PTPRT: variants seen among roughly 807,000 people sequenced by gnomAD.
PTPRT encodes protein tyrosine phosphatase receptor type T.
In PTPRT, 56 loss-of-function variants were observed where a neutral mutation model predicts 176.8. The observed-to-expected ratio is 0.32, with a 90% confidence interval of 0.26 to 0.40. PTPRT has a LOEUF of 0.40. PTPRT is among the 10% of genes least tolerant of loss of function. The pLI, the probability that PTPRT is intolerant of heterozygous loss-of-function variation, is 1.00. For missense variants in PTPRT, 1,540 were observed against 1,908.2 expected, an observed-to-expected ratio of 0.81 and a Z score of 3.60; for synonymous variants, 783 against 739.0, an observed-to-expected ratio of 1.06 and a Z score of -0.96.
chr20:42,734,224 T>C (rs916328845), intron 6 of PTPRT, among the ~76,000 whole-genome samples: 1 of 152,178 alleles, frequency 6.6e-6, no homozygotes, highest in African/African-American at 2.4e-5. Context: ...GGGATCCTCA[T>C]AGACCTCTGG....
intron 1 of PTPRT, among the ~76,000 whole-genome samples, chr20:43,152,731 T>C (rs1212242523): frequency 6.6e-6 from 1 of 152,200 alleles, no homozygotes; most frequent in Non-Finnish European, 1.5e-5. Flanking sequence ...CCTTGTAACC[T>C]CAAAAATCAT....
chr20:42,206,202 A>G (rs2055455299), intron 15 of PTPRT, among the ~76,000 whole-genome samples: 1 of 152,178 alleles, frequency 6.6e-6, no homozygotes, highest in African/African-American at 2.4e-5. Context: ...CTATGCCCCC[A>G]CTGACTCAGA....
At chr20:42,104,263 G>A (rs1482541708) in intron 25 of PTPRT, among the ~76,000 whole-genome samples, 2 of 152,166 alleles carry the variant, frequency 1.3e-5, no homozygotes. Flanking sequence ...GAGCCCAGGA[G>A]TTGAAGACCA....
chr20:42,877,181 A>G (rs995057121), intron 2 of PTPRT, among the ~76,000 whole-genome samples: 12 of 151,478 alleles, frequency 7.9e-5, no homozygotes, highest in African/African-American at 2.9e-4. Context: ...TGGGAGATCA[A>G]CAAGCAAGAA....
chr20:42,833,735 G>A (rs1206552229), intron 2 of PTPRT, among the ~76,000 whole-genome samples: 2 of 152,160 alleles, frequency 1.3e-5, no homozygotes, highest in African/African-American at 4.8e-5. Context: ...CTGAGGGATT[G>A]ACAAAGTTAG....
At position 42,073,701 on chromosome 20, in the gene PTPRT, G is replaced by T. The variant is rs910549097; in HGVS notation, c.*7178C>A. The T allele has an allele frequency of 1.3e-5, 3 of 224,538 alleles. No individual in the cohort carries two copies. The highest frequency in any genetic ancestry group is 1.1e-4 in the Admixed American group (2 of 17,482). The allele number at this position is 224,538 out of a possible 1,614,324, so 13.9% of individuals were successfully genotyped here. On this transcript the variant is annotated 3_prime_UTR_variant, in exon 31 of 31. Transcript: ENST00000373187. ...CAGCCCAGTATATGTGGCCACAACA[G>T]CATGTTGGCCTGCTCAGTGGGGGCA...
chr20:42,117,706 C>T (rs1045687810), intron 21 of PTPRT, among the ~76,000 whole-genome samples: 9 of 152,230 alleles, frequency 5.9e-5, no homozygotes, highest in African/African-American at 1.7e-4. Flanking sequence ...GGAGGAGCTA[C>T]GCTGCGGTGG....
chr20:42,540,161 A>G (rs2072552519), intron 7 of PTPRT, among the ~76,000 whole-genome samples: 2 of 152,134 alleles, frequency 1.3e-5, no homozygotes, highest in Admixed American at 1.3e-4. Context: ...TGGACAGGGA[A>G]TTGGGAAAAA....
intron 23 of PTPRT, among the ~76,000 whole-genome samples, chr20:42,109,123 G>T (rs531757893): frequency 2.6e-5 from 4 of 152,010 alleles, no homozygotes; most frequent in Non-Finnish European, 5.9e-5. Context: ...CTGTGAAATG[G>T]GGTTGTGTAG....
chr20:42,456,291 C>G (rs1409041909), intron 8 of PTPRT, among the ~76,000 whole-genome samples: 1 of 151,940 alleles, frequency 6.6e-6, no homozygotes, highest in African/African-American at 2.4e-5. Flanking sequence ...AATTTGTTTG[C>G]AGATTTCTTT....
intron 9 of PTPRT, among the ~76,000 whole-genome samples, chr20:42,387,780 G>A (rs1476166926): frequency 1.3e-5 from 2 of 151,394 alleles, no homozygotes; most frequent in Admixed American, 1.3e-4. Flanking sequence ...AGAGTTCAGG[G>A]ATGCTAATAT....
At chr20:42,210,385 A>T (rs1290833871) in intron 15 of PTPRT, among the ~76,000 whole-genome samples, 1 of 151,970 alleles carries the variant, frequency 6.6e-6, no homozygotes, top group African/African-American at 2.4e-5. Flanking sequence ...ACATGATTGT[A>T]TATCTAGAAA....
At chr20:42,788,476 A>G (rs1264785098) in intron 3 of PTPRT, among the ~76,000 whole-genome samples, 1 of 151,792 alleles carries the variant, frequency 6.6e-6, no homozygotes, top group Non-Finnish European at 1.5e-5. Context: ...GCTCTTGGTC[A>G]CCCATGGGCA....
chr20:42,392,170 GA>G (rs1211007487), intron 9 of PTPRT, among the ~76,000 whole-genome samples: 4 of 152,002 alleles, frequency 2.6e-5, no homozygotes, highest in African/African-American at 9.7e-5. Flanking sequence ...CTAATTCCAG[GA>G]AAAAATGTTA....
intron 1 of PTPRT, among the ~76,000 whole-genome samples, chr20:43,086,385 A>C (rs1365170962): frequency 1.3e-5 from 2 of 152,226 alleles, no homozygotes; most frequent in Non-Finnish European, 2.9e-5. Context: ...TAAGAATGCA[A>C]CATTTTACAA....
chr20:42,468,542 G>A (rs1200042763), intron 8 of PTPRT, among the ~76,000 whole-genome samples: 1 of 152,184 alleles, frequency 6.6e-6, no homozygotes, highest in Admixed American at 6.5e-5. Flanking sequence ...CATAGAGCAG[G>A]AATTGATGCT....
intron 1 of PTPRT, among the ~76,000 whole-genome samples, chr20:43,040,908 A>C (rs1986578707): frequency 1.3e-5 from 2 of 152,168 alleles, no homozygotes; most frequent in Admixed American, 6.5e-5. Flanking sequence ...TTGGGAAATA[A>C]TTCGAACCTG....
At chr20:42,339,016 G>GT (rs1384597603) in intron 11 of PTPRT, among the ~76,000 whole-genome samples, 2 of 152,154 alleles carry the variant, frequency 1.3e-5, no homozygotes, top group Admixed American at 6.5e-5. Flanking sequence ...TGAGTGACGC[G>GT]TGCATATTGC....
chr20:42,178,757 T>A lies in PTPRT; in HGVS notation c.2492-17215A>T, dbSNP rs1600638338. 2.0e-5 allele frequency among the ~76,000 whole-genome samples: 3 copies of A among 152,320 alleles called. No homozygotes were observed. The South Asian group carries it at 6.2e-4, about 32-fold the overall frequency. On this transcript the variant is annotated intron_variant, in intron 16 of 30. Coordinates refer to ENST00000373187, the MANE Select transcript of PTPRT (RefSeq NM_007050.6). ...AGAGAATTCAAGTTAACTGATTTCA[T>A]AATCACTGACATGATACTGACAGAT...
Sources: gnomAD v4.1 joint callset for allele counts (sites outside exome capture counted in the v4.1 genomes callset) on GRCh38, gnomAD v4.1.1 for gene constraint, MANE v1.5 for transcripts, NCBI Gene and HGNC (gene_info 2026-07-23, HGNC 2026-07-21) for gene names.